Variants in DMD observed in about 807,000 individuals in gnomAD.
DMD encodes the protein dystrophin.
A neutral mutation model predicts 330.1 loss-of-function variants in DMD; 63 were observed. The ratio of observed to expected loss-of-function variants is 0.19; its 90% CI spans 0.16 to 0.24. The LOEUF is 0.24. DMD is among the 10% of genes least tolerant of loss of function. The pLI, the probability that DMD is intolerant of heterozygous loss-of-function variation, is 1.00. For synonymous variants in DMD, 1,223 were observed against 959.8 expected, an observed-to-expected ratio of 1.27 and a Z score of -5.07; for missense variants, 3,344 against 2,684.1, an observed-to-expected ratio of 1.25 and a Z score of -5.43.
intron 1 of DMD, among the ~76,000 whole-genome samples, chrX:33,118,755 C>T (rs759983181): frequency 1.3e-4 from 15 of 112,121 alleles, no homozygotes; most frequent in Non-Finnish European, 2.4e-4. Context: ...CATAGCTTTT[C>T]TTACATCATG....
chrX:32,730,830 AAG>A (rs1410421975), intron 7 of DMD, among the ~76,000 whole-genome samples: 17 of 112,158 alleles, frequency 1.5e-4, no homozygotes, highest in Non-Finnish European at 1.9e-5. Flanking sequence ...TGAGCAGAAA[AAG>A]AGTAGGAATA....
At chrX:32,841,065 T>G (rs968645880) in intron 4 of DMD, among the ~76,000 whole-genome samples, 2 of 111,705 alleles carry the variant, frequency 1.8e-5, no homozygotes, top group African/African-American at 6.5e-5. Context: ...TTGGCATTAG[T>G]AGTCTAGTTC....
intron 44 of DMD, among the ~76,000 whole-genome samples, chrX:31,989,244 T>C (rs1015609960): frequency 2.7e-5 from 3 of 111,628 alleles, no homozygotes; most frequent in African/African-American, 9.8e-5. Flanking sequence ...CAGAATAATG[T>C]TTGACCAAAT....
At chrX:32,014,667 G>C (rs747950880) in intron 44 of DMD, among the ~76,000 whole-genome samples, 2 of 111,888 alleles carry the variant, frequency 1.8e-5, no homozygotes, top group South Asian at 7.4e-4. Context: ...CACATAGTAA[G>C]TGTTCAATAA....
chrX:33,092,062 T>C (rs1329583597), intron 1 of DMD, among the ~76,000 whole-genome samples: 1 of 111,422 alleles, frequency 9.0e-6, no homozygotes, highest in African/African-American at 3.3e-5. Context: ...AAACTCTCTT[T>C]TGTGTTTTAT....
At chrX:33,043,481 C>T (rs1389116732) in intron 1 of DMD, among the ~76,000 whole-genome samples, 2 of 110,906 alleles carry the variant, frequency 1.8e-5, no homozygotes, top group African/African-American at 6.5e-5. Flanking sequence ...CAAACAGGTA[C>T]TTGTCAGGTT....
chrX:32,107,040 G>A (rs12843752), intron 44 of DMD, among the ~76,000 whole-genome samples: 5,790 of 111,481 alleles, frequency 0.052, 131 homozygotes, highest in Middle Eastern at 0.13. Flanking sequence ...AGTTCCATCT[G>A]GGGACATTTG....
chrX:32,178,027 T>G (rs770611457), intron 44 of DMD, among the ~76,000 whole-genome samples: 1 of 109,574 alleles, frequency 9.1e-6, no homozygotes, highest in Non-Finnish European at 1.9e-5. Context: ...TATAAATCCA[T>G]CAGTCAATAT....
chrX:31,648,617 CAAAAAAAAAAAAAAAAAAAAAAAAAAAA>C lies in DMD; in HGVS notation c.8027+9345_8027+9372del, dbSNP rs548846514. Among the ~76,000 whole-genome samples the C allele has an allele frequency of 1.6e-3, 31 of 18,996 alleles. No homozygotes were observed. In the South Asian group the frequency reaches 0.029, roughly 18 times the overall value. 16.5% of individuals were successfully genotyped at this position (18,996 alleles called of 115,157 possible). ...TTCCCTACGGGGTGAAAGGGAGCTG[CAAAAAAAAAAAAAAAAAAAAAAAAAAAA>C]AAAAAAAAAAAAAAAAAAATCTGCT... is the stretch of plus-strand genomic sequence containing the variant. On this transcript the variant is annotated intron_variant, in intron 54 of 78. Coordinates refer to ENST00000357033, the MANE Select transcript of DMD (RefSeq NM_004006.3).
chrX:31,509,745 T>C (rs897131627), intron 55 of DMD, among the ~76,000 whole-genome samples: 1 of 112,200 alleles, frequency 8.9e-6, no homozygotes, highest in African/African-American at 3.2e-5. Context: ...AACATCTTTG[T>C]TGTATTATCA....
intron 11 of DMD, among the ~76,000 whole-genome samples, chrX:32,621,751 A>G (rs1322847842): frequency 9.0e-6 from 1 of 110,840 alleles, no homozygotes; most frequent in African/African-American, 3.3e-5. Context: ...CAGTCACATC[A>G]ATGTCTCCCA....
intron 1 of DMD, among the ~76,000 whole-genome samples, chrX:33,139,785 C>T (rs1320552165): frequency 9.5e-6 from 1 of 105,744 alleles, no homozygotes; most frequent in Non-Finnish European, 1.9e-5. Context: ...AACTTTGAGC[C>T]AATTACTCTT....
intron 64 of DMD, among the ~76,000 whole-genome samples, chrX:31,221,516 TCAAA>T (rs1228020030): frequency 8.9e-6 from 1 of 112,527 alleles, no homozygotes; most frequent in Non-Finnish European, 1.9e-5. Context: ...CATCACCTCT[TCAAA>T]CAAACATTCT....
intron 9 of DMD, among the ~76,000 whole-genome samples, chrX:32,685,233 AAAGTAG>A (rs976029317): frequency 2.7e-5 from 3 of 111,426 alleles, no homozygotes; most frequent in African/African-American, 9.8e-5. Context: ...TTTAAATTAT[AAAGTAG>A]AAGTAGAAGA....
At chrX:31,433,142 T>C (rs1321902581) in intron 60 of DMD, among the ~76,000 whole-genome samples, 1 of 112,276 alleles carries the variant, frequency 8.9e-6, no homozygotes, top group Non-Finnish European at 1.9e-5. Flanking sequence ...AGTGAGCACA[T>C]GCATTATTTG....
At position 32,720,149 on chromosome X, in the gene DMD, T is replaced by A. The variant is rs73458826; in HGVS notation, c.650-20856A>T. ...ACACTCGTAACACCTATTATACGAG[T>A]CAAATCATACCTTACAAAAGAGTTT... On this transcript the variant is annotated intron_variant, in intron 7 of 78. Coordinates refer to ENST00000357033, the MANE Select transcript of DMD (RefSeq NM_004006.3). 2.4e-3 allele frequency among the ~76,000 whole-genome samples: 264 copies of A among 111,347 alleles called. 3 individuals are homozygous for A. Among genetic ancestry groups the A allele is most frequent in the African/African-American group, 8.2e-3 (251 of 30,741 alleles).
At chrX:32,397,173 T>G (rs2098050901) in intron 30 of DMD, among the ~76,000 whole-genome samples, 1 of 111,782 alleles carries the variant, frequency 8.9e-6, no homozygotes, top group African/African-American at 3.2e-5. Flanking sequence ...TCTACTAGAT[T>G]TCTAAGTTGT....
At position 31,214,681 on chromosome X, in the gene DMD, C is replaced by T. The variant is rs1474166935; in HGVS notation, c.9362-4982G>A. ...CCAGCAAGGGGAGAGAGTATCATACCGCATATTACTAGCCTTGGAAAAGAT... is the reference window on the plus strand; with the variant it reads ...CCAGCAAGGGGAGAGAGTATCATACTGCATATTACTAGCCTTGGAAAAGAT... On this transcript the variant is annotated intron_variant, in intron 64 of 78. Coordinates refer to ENST00000357033, the MANE Select transcript of DMD (RefSeq NM_004006.3). Among the ~76,000 whole-genome samples, 4 of 110,499 alleles carry T rather than the reference C, an allele frequency of 3.6e-5. No homozygotes were observed. The East Asian group carries it at 8.5e-4, about 23-fold the overall frequency.
intron 44 of DMD, among the ~76,000 whole-genome samples, chrX:32,101,320 G>A (rs1041134654): frequency 9.0e-6 from 1 of 111,225 alleles, no homozygotes; most frequent in Non-Finnish European, 1.9e-5. Flanking sequence ...ATGAGCGTGA[G>A]TAAGTTACCC....
Sources: gnomAD v4.1 joint callset for allele counts (sites outside exome capture counted in the v4.1 genomes callset) on GRCh38, gnomAD v4.1.1 for gene constraint, MANE v1.5 for transcripts, NCBI Gene and HGNC (gene_info 2026-07-23, HGNC 2026-07-21) for gene names.